PTPRD: variants seen among roughly 807,000 people sequenced by gnomAD.
PTPRD encodes the protein receptor-type tyrosine-protein phosphatase delta.
Under a neutral mutation model 214.5 loss-of-function variants are expected in PTPRD, and 34 were observed. The ratio of observed to expected loss-of-function variants is 0.16; its 90% confidence interval spans 0.12 to 0.21. The LOEUF is 0.21. Ranked by LOEUF, PTPRD falls within the 10% of genes least tolerant of loss-of-function variation. The probability of loss-of-function intolerance (pLI) is 1.00; values close to 1 mark genes in which losing one functional copy is unlikely to be tolerated. For synonymous variants in PTPRD, 1,128 were observed against 845.7 expected (o/e 1.33, Z -5.79); for missense variants, 2,545 against 2,398.7 (o/e 1.06, Z -1.27).
chr9:9,807,546 C>T (rs1376139328), intron 5 of PTPRD, among the ~76,000 whole-genome samples: 2 of 152,074 alleles, frequency 1.3e-5, no homozygotes, highest in African/African-American at 4.8e-5. Context: ...CCCATATGCC[C>T]CAAGAATACT....
intron 7 of PTPRD, among the ~76,000 whole-genome samples, chr9:9,595,448 A>G (rs1264906393): frequency 2.0e-5 from 3 of 150,192 alleles, no homozygotes; most frequent in Non-Finnish European, 4.4e-5. Flanking sequence ...GTACACATGC[A>G]TACACATGTA....
chr9:9,726,033 T>A (rs1435274470), intron 7 of PTPRD, among the ~76,000 whole-genome samples: 1 of 152,204 alleles, frequency 6.6e-6, no homozygotes, highest in Non-Finnish European at 1.5e-5. Flanking sequence ...TGAAACAGTA[T>A]TAATTTGATT....
At chr9:10,103,122 G>A (rs893301547) in intron 3 of PTPRD, among the ~76,000 whole-genome samples, 2 of 151,520 alleles carry the variant, frequency 1.3e-5, no homozygotes, top group Non-Finnish European at 3.0e-5. Flanking sequence ...TAGTATAGCT[G>A]AGGGAGAGAA....
intron 8 of PTPRD, among the ~76,000 whole-genome samples, chr9:9,449,368 A>G (rs2091459357): frequency 6.6e-6 from 1 of 151,774 alleles, no homozygotes; most frequent in African/African-American, 2.4e-5. Flanking sequence ...CATCTTGTAC[A>G]TTCCTCCAAA....
intron 12 of PTPRD, among the ~76,000 whole-genome samples, chr9:8,699,078 T>C (rs2098007113): frequency 6.6e-6 from 1 of 152,152 alleles, no homozygotes; most frequent in Admixed American, 6.6e-5. Context: ...TATCACAAAA[T>C]GCACACTCTT....
At chr9:8,560,521 A>G (rs2085792857) in intron 14 of PTPRD, among the ~76,000 whole-genome samples, 1 of 151,960 alleles carries the variant, frequency 6.6e-6, no homozygotes, top group Non-Finnish European at 1.5e-5. Context: ...AAGAGTAATC[A>G]ACATATAATT....
At position 8,314,726 on chromosome 9, in the gene PTPRD, GA is replaced by G. The variant is rs575749245; in HGVS notation, c.*3147del. ...GAAAAAAAATACGTGCATTACTGCA[GA>G]CTTTTTTCCCTTCCTGTTTCTATGT... On this transcript the variant is annotated 3_prime_UTR_variant, in exon 46 of 46. Transcript: ENST00000381196. 9.5e-4 allele frequency: 220 copies of G among 232,198 alleles called. 1 individual carries two copies. The highest frequency in any genetic ancestry group is 3.8e-3 in the African/African-American group (174 of 45,204). The allele number at this position is 232,198 out of a possible 1,614,324, so 14.4% of individuals were successfully genotyped here.
intron 11 of PTPRD, among the ~76,000 whole-genome samples, chr9:8,755,831 G>C (rs1034592625): frequency 5.3e-5 from 8 of 152,104 alleles, no homozygotes; most frequent in Non-Finnish European, 1.2e-4. Flanking sequence ...ACAGAAGGGA[G>C]AACAGTAAAT....
At chr9:9,963,971 T>C (rs572000899) in intron 4 of PTPRD, among the ~76,000 whole-genome samples, 1 of 137,042 alleles carries the variant, frequency 7.3e-6, no homozygotes, top group African/African-American at 2.5e-5. Flanking sequence ...ATTTCTTTCA[T>C]GCATTAATAT....
intron 11 of PTPRD, among the ~76,000 whole-genome samples, chr9:8,750,449 T>C (rs1467439776): frequency 6.6e-6 from 1 of 150,820 alleles, no homozygotes; most frequent in African/African-American, 2.5e-5. Flanking sequence ...TGAGCCACCA[T>C]GCCCGGCCAA....
Position 8,437,917 on chromosome 9 carries a change from TTTTA to T in PTPRD, c.3989-1232_3989-1229del, listed in dbSNP as rs1042654718. 3.5e-3 allele frequency among the ~76,000 whole-genome samples: 536 copies of T among 152,358 alleles called. 4 individuals are homozygous for T. The highest frequency in any genetic ancestry group is 0.011 in the African/African-American group (444 of 41,582). ...TTTCTCACTTTTCATATGATTTGTC[TTTTA>T]TTTCTTTCCTATTAATTTTACAGAA... is the stretch of plus-strand genomic sequence containing the variant. On this transcript the variant is annotated intron_variant, in intron 34 of 45. Coordinates refer to ENST00000381196, the MANE Select transcript of PTPRD (RefSeq NM_002839.4).
chr9:8,966,233 C>T (rs1048923474), intron 11 of PTPRD, among the ~76,000 whole-genome samples: 1 of 151,958 alleles, frequency 6.6e-6, no homozygotes, highest in Admixed American at 6.6e-5. Context: ...TCATTTTTCA[C>T]ATAATTGGAA....
chr9:8,790,876 T>C (rs1175496386), intron 11 of PTPRD, among the ~76,000 whole-genome samples: 2 of 152,134 alleles, frequency 1.3e-5, no homozygotes, highest in Non-Finnish European at 2.9e-5. Context: ...AAAAATTCGG[T>C]CCCTCAGTCT....
chr9:8,488,982 A>G (rs1334976951), intron 27 of PTPRD, among the ~76,000 whole-genome samples: 1 of 152,246 alleles, frequency 6.6e-6, no homozygotes, highest in Non-Finnish European at 1.5e-5. Context: ...ATAATAATAT[A>G]TACACCGTGT....
At chr9:9,432,523 T>A (rs1283210415) in intron 8 of PTPRD, among the ~76,000 whole-genome samples, 1 of 152,218 alleles carries the variant, frequency 6.6e-6, no homozygotes, top group Non-Finnish European at 1.5e-5. Context: ...AGCCTAATTT[T>A]GTGATTTACT....
chr9:9,733,569 G>GAAC (rs1182115577), intron 7 of PTPRD, among the ~76,000 whole-genome samples: 7 of 152,078 alleles, frequency 4.6e-5, no homozygotes, highest in Non-Finnish European at 1.0e-4. Flanking sequence ...GGAAGATAAT[G>GAAC]AACAACAGCA....
intron 10 of PTPRD, among the ~76,000 whole-genome samples, chr9:9,073,752 A>G (rs2099747147): frequency 6.6e-6 from 1 of 152,188 alleles, no homozygotes; most frequent in African/African-American, 2.4e-5. Flanking sequence ...CTCTGTATAT[A>G]TGTATATCCT....
intron 5 of PTPRD, among the ~76,000 whole-genome samples, chr9:9,818,911 G>A (rs1160081013): frequency 2.4e-4 from 18 of 73,640 alleles, no homozygotes; most frequent in Admixed American, 8.4e-4. Flanking sequence ...GCAAGACACT[G>A]TCTCAAAAAA....
chr9:8,465,029 T>G (rs1230096675), intron 32 of PTPRD, among the ~76,000 whole-genome samples: 1 of 151,920 alleles, frequency 6.6e-6, no homozygotes, highest in Non-Finnish European at 1.5e-5. Flanking sequence ...AAATATGCCA[T>G]GTTGAATGGC....
Sources: gnomAD v4.1 joint callset for allele counts (sites outside exome capture counted in the v4.1 genomes callset) on GRCh38, gnomAD v4.1.1 for gene constraint, MANE v1.5 for transcripts, NCBI Gene and HGNC (gene_info 2026-07-23, HGNC 2026-07-21) for gene names.